The following LRRC37A3 variants were observed in gnomAD, a reference collection of about 807,000 sequenced individuals.
LRRC37A3 encodes the protein leucine rich repeat containing 37 member A3.
LRRC37A3 carries 25 observed loss-of-function variants against 106.2 expected under a neutral mutation model. The observed-to-expected ratio is 0.24, with a 90% CI of 0.17 to 0.33. LRRC37A3 has a LOEUF of 0.33. Among genes scored for constraint, LRRC37A3 ranks in the 10% least tolerant of loss-of-function variants. The probability of loss-of-function intolerance (pLI) is 1.00; values close to 1 mark genes in which losing one functional copy is unlikely to be tolerated. For missense variants in LRRC37A3, 712 were observed against 1,644.9 expected, an observed-to-expected ratio of 0.43 and a Z score of 9.81; for synonymous variants, 305 against 635.8, an observed-to-expected ratio of 0.48 and a Z score of 7.83.
intron 2 of LRRC37A3, among the ~76,000 whole-genome samples, chr17:64,916,002 G>A (rs184344165): frequency 6.6e-6 from 1 of 152,176 alleles, no homozygotes; most frequent in South Asian, 2.1e-4. Context: ...AGAGGCTGAG[G>A]TGGTGGGAGG....
chr17:64,860,450 G>A lies in LRRC37A3; in HGVS notation c.3696C>T (p.Tyr1232=), dbSNP rs754548204. ...GPEKLAGNAV[Y]TKPSFTQEHK... is the part of the protein sequence containing the mutation. Reference sequence around the variant, plus strand: ...GCTCTTGGGTGAACGAAGGCTTGGTGTAGACGGCGTTTCCCGCTAACTTCT... The same window carrying A: ...GCTCTTGGGTGAACGAAGGCTTGGTATAGACGGCGTTTCCCGCTAACTTCT... Residue 1232 remains tyrosine, a synonymous_variant, in exon 12 of 15, where the codon TAC becomes TAT. Transcript: ENST00000584306. 4.3e-6 allele frequency: 7 copies of A among 1,613,926 alleles called. No individual in the cohort carries two copies.
intron 8 of LRRC37A3, among the ~76,000 whole-genome samples, chr17:64,870,072 G>A (rs1973260285): frequency 1.3e-5 from 2 of 149,344 alleles, no homozygotes; most frequent in Non-Finnish European, 3.0e-5. Context: ...CGCTTTGAGG[G>A]CAGAGACCAC....
At chr17:64,858,388 T>A (rs1302959272) in intron 13 of LRRC37A3, among the ~76,000 whole-genome samples, 1 of 152,214 alleles carries the variant, frequency 6.6e-6, no homozygotes, top group Non-Finnish European at 1.5e-5. Context: ...TCCAGGGTGA[T>A]GACAACTCCG....
At chr17:64,866,621 TATATATA>T (rs1320939509) in intron 10 of LRRC37A3, among the ~76,000 whole-genome samples, 22 of 25,262 alleles carry the variant, frequency 8.7e-4, no homozygotes, top group Admixed American at 1.2e-3. Context: ...TATATATATA[TATATATA>T]TTTTTTTTTT....
At chr17:64,856,451 G>C (rs1184434093) in intron 13 of LRRC37A3, among the ~76,000 whole-genome samples, 3 of 148,904 alleles carry the variant, frequency 2.0e-5, no homozygotes, top group Non-Finnish European at 3.0e-5. Flanking sequence ...CAATGTGTTG[G>C]GATTACAAGT....
At chr17:64,909,314 C>T (rs1438377339) in intron 2 of LRRC37A3, among the ~76,000 whole-genome samples, 1 of 152,168 alleles carries the variant, frequency 6.6e-6, no homozygotes, top group East Asian at 1.9e-4. Context: ...GAGGGATTTG[C>T]TATTATCACA....
intron 10 of LRRC37A3, 29 bp downstream of exon 10, chr17:64,868,433 A>G: frequency 6.2e-7 from 1 of 1,609,468 alleles, no homozygotes; most frequent in Non-Finnish European, 8.5e-7. Flanking sequence ...CAACTACGTA[A>G]AAATAAATCT....
At chr17:64,863,090 C>T (rs1392031714) in intron 10 of LRRC37A3, 72 bp from the exon 11 acceptor site, 11 of 1,580,354 alleles carry the variant, frequency 7.0e-6, no homozygotes, top group African/African-American at 5.4e-5. Context: ...AGGCAGCCAA[C>T]ACTACCACAG....
At chr17:64,866,629 T>TATATATATATATATA (rs71236448) in intron 10 of LRRC37A3, among the ~76,000 whole-genome samples, 9 of 12,846 alleles carry the variant, frequency 7.0e-4, no homozygotes, top group African/African-American at 1.3e-3. Flanking sequence ...TATATATATA[T>TATATATATATATATA]TTTTTTTTTT....
intron 8 of LRRC37A3, among the ~76,000 whole-genome samples, chr17:64,880,723 C>T (rs1217226458): frequency 2.0e-5 from 3 of 151,078 alleles, no homozygotes; most frequent in Non-Finnish European, 4.4e-5. Context: ...AACAATGGGA[C>T]AGAATAAAGG....
chr17:64,877,419 C>T (rs887958284), intron 8 of LRRC37A3, among the ~76,000 whole-genome samples: 4 of 152,176 alleles, frequency 2.6e-5, no homozygotes, highest in African/African-American at 9.7e-5. Flanking sequence ...CCAGGCTGGT[C>T]TCTAACTCCT....
At chr17:64,868,426 C>T (rs1217693363) in intron 10 of LRRC37A3, 36 bp downstream of exon 10, 2 of 1,607,246 alleles carry the variant, frequency 1.2e-6, no homozygotes, top group Non-Finnish European at 1.7e-6. Context: ...AAAGAAACAA[C>T]TACGTAAAAA....
chr17:64,913,901 A>T (rs1304322786), intron 2 of LRRC37A3, among the ~76,000 whole-genome samples: 1 of 152,138 alleles, frequency 6.6e-6, no homozygotes, highest in Non-Finnish European at 1.5e-5. Context: ...GGAAGACCTT[A>T]ACACGATCAA....
intron 8 of LRRC37A3, among the ~76,000 whole-genome samples, chr17:64,870,129 C>T (rs1463111029): frequency 2.9e-5 from 4 of 138,950 alleles, no homozygotes; most frequent in South Asian, 2.3e-4. Context: ...CTCACTCTGT[C>T]GCCCAGGCTG....
intron 2 of LRRC37A3, among the ~76,000 whole-genome samples, chr17:64,916,080 C>T (rs1022543644): frequency 6.6e-6 from 1 of 151,888 alleles, no homozygotes; most frequent in African/African-American, 2.4e-5. Flanking sequence ...CACTGCACTC[C>T]AGCGTGGGTG....
chr17:64,860,662 G>A lies in LRRC37A3; in HGVS notation c.3484C>T (p.Gln1162Ter). The change falls in exon 12 of 15, where the codon CAG becomes TAG. Residue 1162 changes from glutamine (Q) to a stop codon, truncating the protein, a stop_gained. Transcript: ENST00000584306. LOFTEE classifies it high-confidence loss of function. ...AKIQTVGKNRQRLNRVLMGPR... is the reference protein window; with the variant it reads ...AKIQTVGKNR ...CCCATGAGGACTCTATTCAGTCTCT[G>A]CCGGTTTTTGCCTACAGTTTGAATC... 6.2e-7 allele frequency: 1 copy of A among 1,614,008 alleles called. No individual in the cohort carries two copies. The highest frequency in any genetic ancestry group is 1.7e-5 in the Admixed American group (1 of 60,012).
chr17:64,855,791 A>G, intron 14 of LRRC37A3, 49 bp downstream of exon 14: 1 of 1,609,112 alleles, frequency 6.2e-7, no homozygotes, highest in Non-Finnish European at 8.5e-7. Context: ...ACAAGAGGGA[A>G]ACTCCGTCTC....
intron 11 of LRRC37A3, 30 bp from the exon 12 acceptor site, chr17:64,861,003 A>T (rs780931209): frequency 1.1e-5 from 17 of 1,613,382 alleles, no homozygotes; most frequent in South Asian, 6.6e-5. Flanking sequence ...TGCTTTGATC[A>T]TGAAAGATGA....
chr17:64,914,450 T>C (rs1315248121), intron 2 of LRRC37A3, among the ~76,000 whole-genome samples: 2 of 148,702 alleles, frequency 1.3e-5, no homozygotes, highest in Non-Finnish European at 3.0e-5. Context: ...TCCCAGCTAC[T>C]TGGGAGGCTG....
Sources: allele counts gnomAD v4.1 joint callset (sites outside exome capture counted in the v4.1 genomes callset), GRCh38; gene constraint gnomAD v4.1.1; transcripts MANE v1.5; gene names NCBI Gene and HGNC (gene_info 2026-07-23, HGNC 2026-07-21).